Variants in AUTS2 observed in about 807,000 individuals in gnomAD.
AUTS2 encodes activator of transcription and developmental regulator AUTS2.
In AUTS2, 17 loss-of-function variants were observed where a neutral mutation model predicts 112.4. The observed-to-expected ratio is 0.15, with a 90% CI of 0.10 to 0.23. The LOEUF is 0.23. Among genes scored for constraint, AUTS2 ranks in the 10% least tolerant of loss-of-function variants. The pLI is 1.00. For missense variants in AUTS2, 1,510 were observed against 1,701.6 expected, an observed-to-expected ratio of 0.89 and a Z score of 1.98; for synonymous variants, 751 against 702.7, an observed-to-expected ratio of 1.07 and a Z score of -1.09.
At chr7:70,013,864 C>T (rs527913812) in intron 2 of AUTS2, among the ~76,000 whole-genome samples, 17 of 152,068 alleles carry the variant, frequency 1.1e-4, no homozygotes, top group African/African-American at 1.9e-4. Context: ...ACTACAGGCA[C>T]GTATCACCAC....
At chr7:69,987,394 T>C (rs1798555047) in intron 2 of AUTS2, among the ~76,000 whole-genome samples, 1 of 152,220 alleles carries the variant, frequency 6.6e-6, no homozygotes, top group African/African-American at 2.4e-5. Flanking sequence ...TTAGATAGTA[T>C]TGAATAAATA....
rs78182082 is a variant in AUTS2 at position 69,851,841 on chromosome 7, A to C, written c.310-47445A>C. 2.9e-3 allele frequency among the ~76,000 whole-genome samples: 447 copies of C among 152,326 alleles called. 5 individuals carry two copies. The highest frequency in any genetic ancestry group is 0.01 in the African/African-American group (433 of 41,576). On this transcript the variant is annotated intron_variant, in intron 1 of 18. Coordinates refer to ENST00000342771, the MANE Select transcript of AUTS2 (RefSeq NM_015570.4). Reference sequence around the variant, plus strand: ...ATTTGTTTTTGCATGTTGGTCTTCAACTTTGCAGAGTTGACTTCTAGGAGT... The same window carrying C: ...ATTTGTTTTTGCATGTTGGTCTTCACCTTTGCAGAGTTGACTTCTAGGAGT...
rs1164144625 is a variant in AUTS2 at position 70,766,829 on chromosome 7, T to G, written c.1689+495T>G. On this transcript the variant is annotated intron_variant, in intron 9 of 18. Transcript: ENST00000342771. This position sits in a 1 kb window ranked among gnomAD's most constrained non-coding sequence, Gnocchi z 4.8. The stretch of plus-strand genomic sequence containing the variant: ...ATTCCGATGGCTTCCCTAAACCCAC[T>G]TTGTTGGAGGTGTTATATTTCTTGT... 1.3e-5 allele frequency among the ~76,000 whole-genome samples: 2 copies of G among 152,178 alleles called. No homozygotes were observed. The highest frequency in any genetic ancestry group is 2.4e-5 in the African/African-American group (1 of 41,440).
intron 2 of AUTS2, among the ~76,000 whole-genome samples, chr7:70,039,086 T>C (rs1801134849): frequency 1.3e-5 from 2 of 152,006 alleles, no homozygotes; most frequent in South Asian, 2.1e-4. Context: ...AGAGGAGTTA[T>C]AAGACCCACA....
chr7:70,739,970 C>T (rs1180081836), intron 6 of AUTS2, among the ~76,000 whole-genome samples: 1 of 152,172 alleles, frequency 6.6e-6, no homozygotes, highest in South Asian at 2.1e-4. Context: ...GGCTCCCCTC[C>T]CCTCATCCAC....
chr7:70,239,913 C>T (rs575016834), intron 4 of AUTS2, among the ~76,000 whole-genome samples: 5 of 152,122 alleles, frequency 3.3e-5, no homozygotes, highest in Non-Finnish European at 4.4e-5. Context: ...CGGGAAAGTA[C>T]GGCATAAGCA....
At chr7:70,663,541 G>T (rs1405379596) in intron 5 of AUTS2, among the ~76,000 whole-genome samples, 2 of 151,942 alleles carry the variant, frequency 1.3e-5, no homozygotes, top group African/African-American at 2.4e-5. Flanking sequence ...TCCCCTTACA[G>T]TGTCTTAGGG....
chr7:70,294,498 G>C (rs766000913), intron 4 of AUTS2, among the ~76,000 whole-genome samples: 5 of 152,166 alleles, frequency 3.3e-5, no homozygotes, highest in South Asian at 2.1e-4. Context: ...TAGGTTATTG[G>C]AAAGTATAGT....
chr7:70,719,696 T>G (rs1810564081), intron 6 of AUTS2, among the ~76,000 whole-genome samples: 1 of 152,048 alleles, frequency 6.6e-6, no homozygotes, highest in African/African-American at 2.4e-5. Flanking sequence ...ACTCCTGACC[T>G]TGTGATCCAC....
At chr7:70,557,239 A>G (rs1018903982) in intron 5 of AUTS2, among the ~76,000 whole-genome samples, 6 of 152,052 alleles carry the variant, frequency 3.9e-5, no homozygotes, top group African/African-American at 7.2e-5. Flanking sequence ...CGGATGCACA[A>G]TTTTGTTCTT....
intron 1 of AUTS2, among the ~76,000 whole-genome samples, chr7:69,714,406 T>C (rs1798500521): frequency 6.6e-6 from 1 of 152,036 alleles, no homozygotes; most frequent in African/African-American, 2.4e-5. Context: ...CTACACCCAG[T>C]GTAAATTTTT....
chr7:70,425,693 C>T (rs1795404819), intron 4 of AUTS2, among the ~76,000 whole-genome samples: 1 of 152,128 alleles, frequency 6.6e-6, no homozygotes, highest in African/African-American at 2.4e-5. Flanking sequence ...GGGAGCAAGA[C>T]TTGTATATGT....
chr7:70,783,628 T>A (rs539084491), intron 15 of AUTS2: 1 of 152,348 alleles, frequency 6.6e-6, no homozygotes, highest in African/African-American at 2.4e-5. Context: ...TAACCTTCTT[T>A]AGCATAAGCA....
At chr7:70,244,564 C>T (rs528623533) in intron 4 of AUTS2, among the ~76,000 whole-genome samples, 1 of 152,314 alleles carries the variant, frequency 6.6e-6, no homozygotes, top group Non-Finnish European at 1.5e-5. Context: ...TAGAGTTTCT[C>T]ATCCCTCTAA....
At chr7:70,305,062 C>A (rs1789429604) in intron 4 of AUTS2, among the ~76,000 whole-genome samples, 1 of 152,124 alleles carries the variant, frequency 6.6e-6, no homozygotes, top group Non-Finnish European at 1.5e-5. Flanking sequence ...CCATTAAATA[C>A]TTTTCCATAG....
chr7:69,709,929 A>G (rs1373158304), intron 1 of AUTS2, among the ~76,000 whole-genome samples: 2 of 152,166 alleles, frequency 1.3e-5, no homozygotes, highest in Non-Finnish European at 2.9e-5. Context: ...CTTCCCTTCA[A>G]AAATTTTCTT....
intron 5 of AUTS2, among the ~76,000 whole-genome samples, chr7:70,658,418 C>T (rs1462102773): frequency 6.6e-6 from 1 of 152,216 alleles, no homozygotes; most frequent in Non-Finnish European, 1.5e-5. Flanking sequence ...GCCCTGCTGC[C>T]ACCTACGAGA....
At chr7:70,389,734 C>A (rs1793769137) in intron 4 of AUTS2, among the ~76,000 whole-genome samples, 1 of 151,428 alleles carries the variant, frequency 6.6e-6, no homozygotes, top group African/African-American at 2.4e-5. Flanking sequence ...ACTGTAAATA[C>A]CCTCCTCTCC....
chr7:70,042,876 T>C (rs573328112), intron 2 of AUTS2, among the ~76,000 whole-genome samples: 31 of 152,300 alleles, frequency 2.0e-4, no homozygotes, highest in African/African-American at 6.7e-4. Flanking sequence ...ATGCTTCTTA[T>C]AGAGTTCAGC....
Sources: gnomAD v4.1 joint callset for allele counts (sites outside exome capture counted in the v4.1 genomes callset) on GRCh38, gnomAD v4.1.1 for gene constraint, Gnocchi (gnomAD v3.1) non-coding constraint, MANE v1.5 for transcripts, NCBI Gene and HGNC (gene_info 2026-07-23, HGNC 2026-07-21) for gene names.